CHSY1: variants seen among roughly 807,000 people sequenced by gnomAD.
CHSY1 encodes chondroitin sulfate synthase 1, also known as N-acetylgalactosaminyl-proteoglycan 3-beta-glucuronosyltransferase 1.
Under a neutral mutation model 59.8 loss-of-function variants are expected in CHSY1, and 13 were observed. That is an observed-to-expected ratio of 0.22 (90% CI 0.14 to 0.35). The LOEUF is 0.35. CHSY1 is among the 10% of genes least tolerant of loss of function. CHSY1 has a pLI of 1.00. For missense variants in CHSY1, 947 were observed against 1,030.6 expected (o/e 0.92, Z 1.11); for synonymous variants, 459 against 401.2 (o/e 1.14, Z -1.72).
chr15:101,196,829 G>A (rs1465905740), intron 2 of CHSY1, among the ~76,000 whole-genome samples: 1 of 152,166 alleles, frequency 6.6e-6, no homozygotes, highest in Admixed American at 6.5e-5. Flanking sequence ...CTCGAGGACA[G>A]CCTAAGAAAT....
chr15:101,239,522 T>C (rs566121343), intron 1 of CHSY1, among the ~76,000 whole-genome samples: 3 of 152,330 alleles, frequency 2.0e-5, no homozygotes, highest in Admixed American at 2.0e-4. Flanking sequence ...CGGGGGTTGT[T>C]GTGAGGGTTA....
At chr15:101,237,859 G>A (rs891355072) in intron 1 of CHSY1, among the ~76,000 whole-genome samples, 5 of 152,182 alleles carry the variant, frequency 3.3e-5, no homozygotes, top group Admixed American at 1.3e-4. Context: ...AAAAAAAGCA[G>A]TTATCAAATG....
Position 101,240,841 on chromosome 15 carries a change from CCATT to C in CHSY1, c.321-5268_321-5265del, listed in dbSNP as rs112401704. Among the ~76,000 whole-genome samples the C allele has an allele frequency of 4.4e-3, 672 of 152,308 alleles. 5 individuals carry two copies. Among genetic ancestry groups the C allele is most frequent in the African/African-American group, 0.016 (647 of 41,560 alleles). ...TGGGTTAATATCATAGTCTCCATTT[CCATT>C]CAGTGTTGTTTTAAGAAAAACTACA... On this transcript the variant is annotated intron_variant, in intron 1 of 2. Transcript: ENST00000254190.
Position 101,195,379 on chromosome 15 carries a change from G to T in CHSY1, c.817-16399C>A, listed in dbSNP as rs78699822. Among the ~76,000 whole-genome samples the T allele has an allele frequency of 6.1e-3, 923 of 152,262 alleles. 10 individuals carry two copies. Among genetic ancestry groups the T allele is most frequent in the African/African-American group, 0.021 (875 of 41,544 alleles). On this transcript the variant is annotated intron_variant, in intron 2 of 2. Coordinates refer to ENST00000254190, the MANE Select transcript of CHSY1 (RefSeq NM_014918.5). Reference sequence around the variant, plus strand: ...AAAACCAAGCTATCCTACTATTTGTGTCAGGATTTCAACCAAAGAAAAAGA... The same window carrying T: ...AAAACCAAGCTATCCTACTATTTGTTTCAGGATTTCAACCAAAGAAAAAGA...
At chr15:101,204,595 A>G (rs895983505) in intron 2 of CHSY1, among the ~76,000 whole-genome samples, 2 of 151,260 alleles carry the variant, frequency 1.3e-5, no homozygotes, top group African/African-American at 4.9e-5. Flanking sequence ...TTGCCCCCCA[A>G]AAAACAGTGG....
chr15:101,194,055 C>T (rs1475728032), intron 2 of CHSY1, among the ~76,000 whole-genome samples: 1 of 152,240 alleles, frequency 6.6e-6, no homozygotes, highest in Non-Finnish European at 1.5e-5. Flanking sequence ...AAAGTGGGAT[C>T]CAAAGGCCAC....
chr15:101,206,650 G>A (rs886905764), intron 2 of CHSY1, among the ~76,000 whole-genome samples: 1 of 152,214 alleles, frequency 6.6e-6, no homozygotes, highest in African/African-American at 2.4e-5. Flanking sequence ...AGACAGCAGT[G>A]TTAGATATTA....
At chr15:101,210,920 T>C (rs936279088) in intron 2 of CHSY1, among the ~76,000 whole-genome samples, 5 of 152,210 alleles carry the variant, frequency 3.3e-5, no homozygotes, top group Middle Eastern at 3.2e-3. Context: ...ATGTGATTAA[T>C]ATGTCCAGGA....
intron 2 of CHSY1, among the ~76,000 whole-genome samples, chr15:101,225,822 G>T (rs570029822): frequency 6.6e-6 from 1 of 152,150 alleles, no homozygotes; most frequent in Non-Finnish European, 1.5e-5. Context: ...GTTCTATTAT[G>T]GGAATTGAGG....
intron 2 of CHSY1, among the ~76,000 whole-genome samples, chr15:101,204,451 A>AATAATAAT (rs1555434508): frequency 6.7e-6 from 1 of 149,398 alleles, no homozygotes; most frequent in African/African-American, 2.4e-5. Flanking sequence ...TAATAATAAT[A>AATAATAAT]ATAATAATAA....
At chr15:101,242,521 C>G (rs1052600703) in intron 1 of CHSY1, 2 of 152,370 alleles carry the variant, frequency 1.3e-5, no homozygotes, top group Non-Finnish European at 2.9e-5. Context: ...AAACTTCTCC[C>G]AAGGTCAATG....
At chr15:101,185,580 C>T (rs2038349684) in intron 2 of CHSY1, among the ~76,000 whole-genome samples, 1 of 142,468 alleles carries the variant, frequency 7.0e-6, no homozygotes, top group African/African-American at 2.7e-5. Flanking sequence ...TCCCAGGTAG[C>T]CCTCCCATGT....
intron 2 of CHSY1, among the ~76,000 whole-genome samples, chr15:101,206,931 GGTAAAATTAAT>G (rs1309398762): frequency 2.0e-5 from 3 of 152,174 alleles, no homozygotes; most frequent in African/African-American, 4.8e-5. Context: ...CCAGACCTCA[GGTAAAATTAAT>G]GTTCTAGGAA....
chr15:101,247,689 G>A lies in CHSY1; in HGVS notation c.320+3448C>T, dbSNP rs1021449430. Among the ~76,000 whole-genome samples, 70 of 152,030 alleles carry A rather than the reference G, an allele frequency of 4.6e-4. 1 individual carries two copies. Among genetic ancestry groups the A allele is most frequent in the African/African-American group, 1.5e-3 (63 of 41,390 alleles). ...CCTGCTACATTTTGAGTTTTGTCTC[G>A]CCTGCTTTGAAAAATCTGTTTCTTG... On this transcript the variant is annotated intron_variant, in intron 1 of 2. Transcript: ENST00000254190.
In CHSY1 at chr15:101,185,700, T is replaced by A. The variant is rs902853346; in HGVS notation, c.817-6720A>T. 3.2e-4 allele frequency among the ~76,000 whole-genome samples: 5 copies of A among 15,468 alleles called. No individual in the cohort carries two copies. In the African/African-American group the frequency reaches 5.4e-3, roughly 17 times the overall value. 10.1% of individuals were successfully genotyped at this position (15,468 alleles called of 152,430 possible). On this transcript the variant is annotated intron_variant, in intron 2 of 2. Coordinates refer to ENST00000254190, the MANE Select transcript of CHSY1 (RefSeq NM_014918.5). ...CCTGCAATGTTCTCCTCGAAATATC[T>A]TTTTTTTTTTTTTTTTTTTTTAACC...
intron 2 of CHSY1, among the ~76,000 whole-genome samples, chr15:101,182,736 C>T (rs2038297334): frequency 6.6e-6 from 1 of 152,116 alleles, no homozygotes; most frequent in African/African-American, 2.4e-5. Context: ...CTAGAGTCTG[C>T]CAACAAAAAC....
chr15:101,193,145 C>T (rs912963204), intron 2 of CHSY1, among the ~76,000 whole-genome samples: 1 of 152,182 alleles, frequency 6.6e-6, no homozygotes. Flanking sequence ...ACAGCAAAGC[C>T]GAGGTTGGCT....
chr15:101,179,052 T>C, intron 2 of CHSY1, 72 bp from the exon 3 acceptor site: 1 of 1,460,054 alleles, frequency 6.8e-7, no homozygotes, highest in Non-Finnish European at 9.5e-7. Context: ...CTAAAGAAAA[T>C]GCAAATATTA....
At position 101,200,237 on chromosome 15, in the gene CHSY1, T is replaced by C. The variant is rs374444072; in HGVS notation, c.817-21257A>G. ...AGAATAACTTTTTTGATTTTCATTT[T>C]AAAGAGTATCCACGTAAAAAATAAG... On this transcript the variant is annotated intron_variant, in intron 2 of 2. Transcript: ENST00000254190. 2.6e-5 allele frequency among the ~76,000 whole-genome samples: 4 copies of C among 152,142 alleles called. No individual in the cohort carries two copies. In the East Asian group the frequency reaches 5.8e-4, roughly 22 times the overall value.
Sources: allele counts gnomAD v4.1 joint callset (sites outside exome capture counted in the v4.1 genomes callset), GRCh38; gene constraint gnomAD v4.1.1; transcripts MANE v1.5; gene names NCBI Gene and HGNC (gene_info 2026-07-23, HGNC 2026-07-21).